Variants in WAS observed in about 807,000 individuals in gnomAD.
WAS encodes WASP actin nucleation promoting factor, also known as actin nucleation-promoting factor WAS.
WAS carries 1 observed loss-of-function variant against 38.9 expected under a neutral mutation model. The observed-to-expected ratio is 0.03, with a 90% CI of 0.01 to 0.12. WAS has a LOEUF of 0.12. Among genes scored for constraint, WAS ranks in the 10% least tolerant of loss-of-function variants. WAS has a pLI of 1.00. For missense variants in WAS, 311 were observed against 431.2 expected, an observed-to-expected ratio of 0.72 and a Z score of 2.47; for synonymous variants, 182 against 173.6, an observed-to-expected ratio of 1.05 and a Z score of -0.38.
At chrX:48,687,745 A>C (rs782053989) in intron 7 of WAS, among the ~76,000 whole-genome samples, 1 of 111,580 alleles carries the variant, frequency 9.0e-6, no homozygotes, top group Non-Finnish European at 1.9e-5. Context: ...GAACAGACAT[A>C]TGTGGGCAGA....
chrX:48,679,054 A>G (rs1008200817), upstream of WAS, among the ~76,000 whole-genome samples: 13 of 108,922 alleles, frequency 1.2e-4, no homozygotes, highest in Admixed American at 1.3e-3. Context: ...TCAAGAGCCG[A>G]CGTCTTGTTC....
chrX:48,689,000 C>T lies in WAS; in HGVS notation c.1272C>T (p.Gly424=), dbSNP rs782484186. 11 of 1,199,070 alleles carry T rather than the reference C, an allele frequency of 9.2e-6. No individual in the cohort carries two copies. In the South Asian group the frequency reaches 2.0e-4, roughly 22 times the overall value. The change falls in exon 10 of 12, where the codon GGC becomes GGT. Residue 424 remains glycine (G), a synonymous_variant. Coordinates refer to ENST00000376701, the MANE Select transcript of WAS (RefSeq NM_000377.3). The part of the protein sequence containing the change: ...PLPPALVPAG[G]LAPGGGRGAL... The stretch of plus-strand genomic sequence containing the variant: ...CTCCTGCTCTGGTGCCTGCCGGGGG[C>T]CTGGCCCCTGGTGGGGGTCGGGGAG...
At chrX:48,690,985 ACT>A (rs2062437983) in intron 11 of WAS, 120 bp from the exon 12 acceptor site, 3 of 592,608 alleles carry the variant, frequency 5.1e-6, no homozygotes, top group Non-Finnish European at 5.7e-6. Context: ...CCAAATGGAA[ACT>A]CTAACTTGCC....
At chrX:48,681,914 T>C (rs2062401326), upstream of WAS, among the ~76,000 whole-genome samples, 1 of 111,639 alleles carries the variant, frequency 9.0e-6, no homozygotes, top group Non-Finnish European at 1.9e-5. Context: ...CGTTCCTCCT[T>C]CAGGTACCTG....
chrX:48,679,902 C>T (rs979111927), upstream of WAS, among the ~76,000 whole-genome samples: 6 of 112,270 alleles, frequency 5.3e-5, no homozygotes, highest in Admixed American at 9.4e-5. Context: ...GGACTTGCTC[C>T]GAATTCTTTC....
intron 1 of WAS, among the ~76,000 whole-genome samples, chrX:48,677,362 G>A (rs1557005344): frequency 9.0e-6 from 1 of 111,457 alleles, no homozygotes; most frequent in Non-Finnish European, 1.9e-5. Flanking sequence ...GGGAATCTAG[G>A]CGTCAGGGAT....
Position 48,688,825 on chromosome X carries a change from G to C in WAS, c.1097G>C (p.Gly366Ala). ...PRGPPPPGRG[G>A]PPPPPPPATG... is the part of the protein sequence containing the mutation. ...GGACCCCCACCCCCAGGCCGAGGGGGCCCTCCACCACCACCCCCTCCAGCT... is the reference window on the plus strand; with the variant it reads ...GGACCCCCACCCCCAGGCCGAGGGGCCCCTCCACCACCACCCCCTCCAGCT... Residue 366 changes from glycine (G) to alanine (A), a missense_variant, in exon 10 of 12, where the codon GGC (glycine) becomes GCC (alanine). Coordinates refer to ENST00000376701, the MANE Select transcript of WAS (RefSeq NM_000377.3). The C allele has an allele frequency of 8.9e-7, 1 of 1,128,897 alleles. No homozygotes were observed. The highest frequency in any genetic ancestry group is 1.2e-6 in the Non-Finnish European group (1 of 850,079). The allele number at this position is 1,128,897 out of a possible 1,213,427, so 93.0% of individuals were successfully genotyped here. A position where few individuals can be genotyped will look rare whatever the true frequency, so the allele number is the denominator to read the frequency against.
At chrX:48,687,819 G>A (rs1557006934) in intron 7 of WAS, among the ~76,000 whole-genome samples, 1 of 111,006 alleles carries the variant, frequency 9.0e-6, no homozygotes, top group African/African-American at 3.3e-5. Flanking sequence ...ATGAATAGGT[G>A]GACAAATGCA....
Position 48,684,360 on chromosome X carries a change from G to A in WAS, c.210G>A (p.Gly70=), listed in dbSNP as rs886038288. ...AGCACTGGACCAAGGAGCATTGTGG[G>A]GCTGTGTGCTTCGTGAAGGATAACC... ...GAEHWTKEHC[G]AVCFVKDNPQ... The change falls in exon 2 of 12, where the codon GGG becomes GGA. Residue 70 remains glycine, a synonymous_variant. Transcript: ENST00000376701. 8.3e-7 allele frequency: 1 copy of A among 1,211,819 alleles called. No individual in the cohort carries two copies. The highest frequency in any genetic ancestry group is 1.1e-6 in the Non-Finnish European group (1 of 895,523).
upstream of WAS, among the ~76,000 whole-genome samples, chrX:48,681,485 T>C (rs1215014765): frequency 8.9e-6 from 1 of 112,506 alleles, no homozygotes; most frequent in Non-Finnish European, 1.9e-5. Context: ...GCTTACTTTG[T>C]GGGGTCATCT....
intron 11 of WAS, among the ~76,000 whole-genome samples, 198 bp from the exon 12 acceptor site, chrX:48,690,909 A>G (rs2062437767): frequency 9.0e-6 from 1 of 110,988 alleles, no homozygotes; most frequent in African/African-American, 3.3e-5. Flanking sequence ...GACTAACCAC[A>G]TTTTTGACAG....
intron 8 of WAS, 72 bp from the exon 9 acceptor site, chrX:48,688,228 C>T (rs1048365567): frequency 5.2e-6 from 6 of 1,160,782 alleles, no homozygotes; most frequent in Middle Eastern, 2.3e-4. Context: ...ATGGACCCAA[C>T]GACAATCCAT....
upstream of WAS, among the ~76,000 whole-genome samples, chrX:48,681,298 G>A: frequency 8.9e-6 from 1 of 111,848 alleles, no homozygotes; most frequent in African/African-American, 3.2e-5. Context: ...AGCCTCCTGA[G>A]TAGCTGGGAT....
upstream of WAS, chrX:48,683,207 C>T (rs1441771811): frequency 3.6e-5 from 4 of 111,441 alleles, no homozygotes; most frequent in African/African-American, 1.3e-4. Context: ...GCCTCAGCCT[C>T]CTGAGCAGCT....
Position 48,689,057 on chromosome X carries a change from G to C in WAS, c.1329G>C (p.Gln443His). ...TGGATCAAATCCGGCAGGGAATTCA[G>C]CTGAACAAGGTGAGGACAGGCAGGA... ...ALLDQIRQGI[Q>H]LNKTPGAPES... The change falls in exon 10 of 12, where the codon CAG becomes CAC. Residue 443 changes from glutamine (Q) to histidine (H), a missense_variant. Transcript: ENST00000376701. 8.3e-7 allele frequency: 1 copy of C among 1,202,628 alleles called. No individual in the cohort carries two copies. The highest frequency in any genetic ancestry group is 1.1e-6 in the Non-Finnish European group (1 of 894,291).
At chrX:48,684,101 C>G in intron 1 of WAS, 116 bp downstream of exon 1, 4 of 1,104,015 alleles carry the variant, frequency 3.6e-6, no homozygotes, top group Non-Finnish European at 5.0e-6. Context: ...ATCTCCTCTC[C>G]TAGAATTTCC....
chrX:48,688,787 A>G lies in WAS; in HGVS notation c.1059A>G (p.Pro353=). 9.9e-7 allele frequency: 1 copy of G among 1,009,703 alleles called. No homozygotes were observed. The highest frequency in any genetic ancestry group is 1.3e-6 in the Non-Finnish European group (1 of 772,737). 83.2% of individuals were successfully genotyped at this position (1,009,703 alleles called of 1,213,427 possible). Residue 353 remains proline (P), a synonymous_variant, in exon 10 of 12, where the codon CCA becomes CCG. Transcript: ENST00000376701. Reference sequence around the variant, plus strand: ...TACCTTTGGGGATTGCCCCACCCCCACCAACACCCCGGGGACCCCCACCCC... The same window carrying G: ...TACCTTTGGGGATTGCCCCACCCCCGCCAACACCCCGGGGACCCCCACCCC... The part of the protein sequence containing the change: ...PPVPLGIAPP[P]PTPRGPPPPG...
intron 2 of WAS, among the ~76,000 whole-genome samples, chrX:48,685,133 G>A (rs1176757067): frequency 9.0e-6 from 1 of 110,635 alleles, no homozygotes; most frequent in African/African-American, 3.3e-5. Flanking sequence ...GACTCCCCGC[G>A]AAACTCCCAA....
At chrX:48,685,657 G>T (rs2147263790) in intron 3 of WAS, 24 bp downstream of exon 3, 1 of 1,180,226 alleles carries the variant, frequency 8.5e-7, no homozygotes, top group East Asian at 3.1e-5. Flanking sequence ...CAGCCCTCGG[G>T]CCTCACTTGG....
Sources: gnomAD v4.1 joint callset for allele counts (sites outside exome capture counted in the v4.1 genomes callset) on GRCh38, gnomAD v4.1.1 for gene constraint, MANE v1.5 for transcripts, NCBI Gene and HGNC (gene_info 2026-07-23, HGNC 2026-07-21) for gene names.